The following SLC35F4 variants were observed in gnomAD, a reference collection of about 807,000 sequenced individuals.
The protein encoded by SLC35F4 is solute carrier family 35 member F4.
SLC35F4 carries 24 observed loss-of-function variants against 44.2 expected under a neutral mutation model. That is an observed-to-expected ratio of 0.54 (90% CI 0.39 to 0.76). The LOEUF (loss-of-function observed/expected upper bound fraction) is 0.76. Ranked by LOEUF, SLC35F4 falls within the 30% of genes least tolerant of loss-of-function variation. The pLI, the probability that SLC35F4 is intolerant of heterozygous loss-of-function variation, is 0.00. For synonymous variants in SLC35F4, 238 were observed against 223.6 expected (o/e 1.06, Z -0.57); for missense variants, 562 against 586.1 (o/e 0.96, Z 0.42).
chr14:57,799,942 G>A (rs188712056), intron 1 of SLC35F4, among the ~76,000 whole-genome samples: 21 of 152,266 alleles, frequency 1.4e-4, no homozygotes, highest in African/African-American at 4.8e-4. Context: ...TGCCAGCTGT[G>A]GAGAATACAA....
At chr14:57,651,031 T>A (rs1350898697) in intron 1 of SLC35F4, among the ~76,000 whole-genome samples, 1 of 152,140 alleles carries the variant, frequency 6.6e-6, no homozygotes, top group African/African-American at 2.4e-5. Context: ...ATTACTCCAT[T>A]TATTTCCTTT....
At chr14:57,885,379 A>G (rs976668141) in intron 1 of SLC35F4, among the ~76,000 whole-genome samples, 3 of 152,218 alleles carry the variant, frequency 2.0e-5, no homozygotes, top group African/African-American at 4.8e-5. Flanking sequence ...TGTCTGGCAC[A>G]GAATAAGTGC....
intron 1 of SLC35F4, among the ~76,000 whole-genome samples, chr14:57,827,570 A>G (rs1253026489): frequency 1.3e-5 from 2 of 152,146 alleles, no homozygotes; most frequent in African/African-American, 2.4e-5. Flanking sequence ...TTTATTTTCT[A>G]TTCTCATTAA....
intron 1 of SLC35F4, among the ~76,000 whole-genome samples, chr14:57,802,439 T>C (rs2078213633): frequency 6.7e-6 from 1 of 149,970 alleles, no homozygotes; most frequent in African/African-American, 2.5e-5. Flanking sequence ...AACCCACAAC[T>C]AGCAGAAGAC....
At chr14:57,695,943 T>A (rs915450694) in intron 1 of SLC35F4, among the ~76,000 whole-genome samples, 2 of 152,118 alleles carry the variant, frequency 1.3e-5, no homozygotes, top group Non-Finnish European at 2.9e-5. Flanking sequence ...TCAGGATGGA[T>A]TAAAGACTTA....
At chr14:57,611,798 A>G (rs2071528153) in intron 1 of SLC35F4, among the ~76,000 whole-genome samples, 1 of 152,152 alleles carries the variant, frequency 6.6e-6, no homozygotes, top group African/African-American at 2.4e-5. Context: ...GGTAGATAAC[A>G]TCAAAGTCGA....
chr14:57,615,360 T>C lies in SLC35F4; in HGVS notation c.104-21236A>G, dbSNP rs200270154. ...GAACAAGAAACAAACATTTTCCTTT[T>C]TTTTTTTTTAACTGCTCACTTCATT... On this transcript the variant is annotated intron_variant, in intron 1 of 7. Coordinates refer to ENST00000556826, the MANE Select transcript of SLC35F4 (RefSeq NM_001306087.2). Among the ~76,000 whole-genome samples the C allele has an allele frequency of 1.2e-3, 93 of 79,680 alleles. 1 individual carries two copies. The East Asian group carries it at 0.021, about 18-fold the overall frequency. 52.3% of individuals were successfully genotyped at this position (79,680 alleles called of 152,430 possible).
chr14:57,872,832 C>T (rs1888322965), intron 1 of SLC35F4, among the ~76,000 whole-genome samples: 1 of 152,156 alleles, frequency 6.6e-6, no homozygotes, highest in African/African-American at 2.4e-5. Context: ...GTCACATGCC[C>T]TCATATGTAT....
rs1029877628 is a variant in SLC35F4 at position 57,697,113 on chromosome 14, A to G, written c.104-102989T>C. On this transcript the variant is annotated intron_variant, in intron 1 of 7. Coordinates refer to ENST00000556826, the MANE Select transcript of SLC35F4 (RefSeq NM_001306087.2). ...TTTAAAAATATATTTTATTATGTAAATTGCTCTCTAAGCAGGTTTTAGATT... is the reference window on the plus strand; with the variant it reads ...TTTAAAAATATATTTTATTATGTAAGTTGCTCTCTAAGCAGGTTTTAGATT... Among the ~76,000 whole-genome samples, 44 of 152,184 alleles carry G rather than the reference A, an allele frequency of 2.9e-4. 1 individual carries two copies. Among genetic ancestry groups the G allele is most frequent in the African/African-American group, 9.9e-4 (41 of 41,540 alleles).
intron 1 of SLC35F4, among the ~76,000 whole-genome samples, chr14:57,754,164 C>A (rs761025598): frequency 1.5e-5 from 2 of 135,902 alleles, no homozygotes; most frequent in East Asian, 2.2e-4. Context: ...GTGCAGTGTG[C>A]GTGATCTCGG....
At position 57,681,097 on chromosome 14, in the gene SLC35F4, C is replaced by T. The variant is rs541950377; in HGVS notation, c.104-86973G>A. ...TAAGCAAAAAGAACAAACCTGGAAG[C>T]CATCACGCTACTGACTTCAAACTAT... On this transcript the variant is annotated intron_variant, in intron 1 of 7. Coordinates refer to ENST00000556826, the MANE Select transcript of SLC35F4 (RefSeq NM_001306087.2). Among the ~76,000 whole-genome samples the T allele has an allele frequency of 3.3e-5, 5 of 152,116 alleles. No individual in the cohort carries two copies. The South Asian group carries it at 1.0e-3, about 32-fold the overall frequency.
At chr14:57,915,681 C>G (rs1451408759) in intron 1 of SLC35F4, among the ~76,000 whole-genome samples, 1 of 141,980 alleles carries the variant, frequency 7.0e-6, no homozygotes, top group Non-Finnish European at 1.6e-5. Context: ...ACAAGGATGG[C>G]CTTTACTTGA....
chr14:57,621,270 C>T (rs1049835720), intron 1 of SLC35F4, among the ~76,000 whole-genome samples: 3 of 148,172 alleles, frequency 2.0e-5, no homozygotes, highest in African/African-American at 4.9e-5. Flanking sequence ...TCAATGCCAT[C>T]CCCATCAAGC....
At chr14:57,762,815 T>C (rs77754999) in intron 1 of SLC35F4, among the ~76,000 whole-genome samples, 90 of 152,282 alleles carry the variant, frequency 5.9e-4, no homozygotes, top group African/African-American at 2.2e-3. Flanking sequence ...ATGCAGCCCC[T>C]TGACCTTGCC....
At chr14:57,624,563 C>T (rs1228881914) in intron 1 of SLC35F4, among the ~76,000 whole-genome samples, 1 of 152,142 alleles carries the variant, frequency 6.6e-6, no homozygotes, top group African/African-American at 2.4e-5. Context: ...CAGTAAAATA[C>T]TGGAAAACCA....
At chr14:57,571,590 G>T (rs1245810552) in intron 5 of SLC35F4, among the ~76,000 whole-genome samples, 1 of 152,222 alleles carries the variant, frequency 6.6e-6, no homozygotes, top group African/African-American at 2.4e-5. Context: ...GGCTAGTCCA[G>T]AGTTTAAGTC....
chr14:57,614,771 C>T lies in SLC35F4; in HGVS notation c.104-20647G>A, dbSNP rs893976155. Among the ~76,000 whole-genome samples the T allele has an allele frequency of 3.9e-5, 6 of 152,118 alleles. No individual in the cohort carries two copies. The South Asian group carries it at 8.3e-4, about 21-fold the overall frequency. The stretch of plus-strand genomic sequence containing the variant: ...GGGTATGGGATTTCAAACTAGACAG[C>T]TCCCCATAATGACTTCTGGGTGGTA... On this transcript the variant is annotated intron_variant, in intron 1 of 7. Coordinates refer to ENST00000556826, the MANE Select transcript of SLC35F4 (RefSeq NM_001306087.2).
chr14:57,916,586 T>C (rs1473932191), intron 1 of SLC35F4, among the ~76,000 whole-genome samples: 1 of 152,234 alleles, frequency 6.6e-6, no homozygotes, highest in Non-Finnish European at 1.5e-5. Flanking sequence ...CTTTCTCCCC[T>C]TCTTCTCCGC....
intron 1 of SLC35F4, among the ~76,000 whole-genome samples, chr14:57,749,525 A>C (rs2076834862): frequency 1.3e-5 from 2 of 151,958 alleles, no homozygotes; most frequent in African/African-American, 4.8e-5. Flanking sequence ...GGTTTAAAAA[A>C]AAAACAAATG....
Sources: gnomAD v4.1 joint callset for allele counts (sites outside exome capture counted in the v4.1 genomes callset) on GRCh38, gnomAD v4.1.1 for gene constraint, MANE v1.5 for transcripts, NCBI Gene and HGNC (gene_info 2026-07-23, HGNC 2026-07-21) for gene names.